The following ENPP5 variants were observed in gnomAD, a reference collection of about 807,000 sequenced individuals.
ENPP5 encodes the protein ectonucleotide pyrophosphatase/phosphodiesterase family member 5, also known as E-NPP 5.
ENPP5 carries 27 observed loss-of-function variants against 33.7 expected under a neutral mutation model. The observed-to-expected ratio is 0.80, with a 90% CI of 0.59 to 1.11. The LOEUF (loss-of-function observed/expected upper bound fraction) is 1.11. Ranked by LOEUF, ENPP5 falls within the 50% of genes least tolerant of loss-of-function variation. The pLI is 0.00. For synonymous variants in ENPP5, 199 were observed against 200.5 expected (o/e 0.99, Z 0.06); for missense variants, 552 against 579.2 (o/e 0.95, Z 0.48).
At chr6:46,170,029 G>T (rs950660827) in intron 2 of ENPP5, 24 bp downstream of exon 2, 8 of 152,132 alleles carry the variant, frequency 5.3e-5, no homozygotes, top group African/African-American at 1.9e-4. Context: ...TAGCAAATAG[G>T]TTACTGCAAA....
chr6:46,161,198 C>A lies in ENPP5; in HGVS notation c.*128G>T. ...ATGTGTGTGTGTGTGTGTGTGTATA[C>A]CTAAATATGTAACTGCTTAATGGTT... On this transcript the variant is annotated 3_prime_UTR_variant, in exon 5 of 5. Coordinates refer to ENST00000371383, the MANE Select transcript of ENPP5 (RefSeq NM_001290072.2). 2.9e-6 allele frequency: 2 copies of A among 682,410 alleles called. No individual in the cohort carries two copies. The highest frequency in any genetic ancestry group is 4.9e-6 in the Non-Finnish European group (2 of 411,068). The allele number at this position is 682,410 out of a possible 1,614,324, so 42.3% of individuals were successfully genotyped here. A position where few individuals can be genotyped will look rare whatever the true frequency, so the allele number is the denominator to read the frequency against.
intron 4 of ENPP5, among the ~76,000 whole-genome samples, chr6:46,164,542 G>C (rs1371512420): frequency 6.6e-6 from 1 of 152,112 alleles, no homozygotes; most frequent in Non-Finnish European, 1.5e-5. Flanking sequence ...CCAATCTATT[G>C]TGTAACTGTA....
intron 3 of ENPP5, among the ~76,000 whole-genome samples, chr6:46,166,300 T>G (rs892873276): frequency 2.0e-5 from 3 of 151,092 alleles, no homozygotes; most frequent in Non-Finnish European, 4.4e-5. Context: ...CTCTTTTTCT[T>G]TCTTTTTTTT....
In ENPP5 at chr6:46,167,894, T is replaced by C; in HGVS notation, c.369A>G (p.Ile123Met). ...GTCCTGCCCTCTGGTTTGTGATCCA[T>C]ATTGGTGTCGCTTCTTCCCAAAACT... ...DSKFWEEATP[I>M]WITNQRAGHT... The change falls in exon 3 of 5, where the codon ATA becomes ATG. Residue 123 changes from isoleucine to methionine, a missense_variant. By Grantham distance (10) the Ile-to-Met change is conservative. Coordinates refer to ENST00000371383, the MANE Select transcript of ENPP5 (RefSeq NM_001290072.2). 1 of 1,614,182 alleles carries C rather than the reference T, an allele frequency of 6.2e-7. No homozygotes were observed. The highest frequency in any genetic ancestry group is 1.1e-5 in the South Asian group (1 of 91,088).
In ENPP5 at chr6:46,161,359, A is replaced by C. The variant is rs968298256; in HGVS notation, c.1401T>G (p.His467Gln). ...HSQIPALQDM[H>Q]AEIAQPLLQA ...GTAATAATGGTTGAGCTATTTCAGCATGCATATCTTGTAAGGCAGGTATTT... is the reference window on the plus strand; with the variant it reads ...GTAATAATGGTTGAGCTATTTCAGCCTGCATATCTTGTAAGGCAGGTATTT... Residue 467 changes from histidine (H) to glutamine (Q), a missense_variant, in exon 5 of 5, where the codon CAT becomes CAG. His to Gln is a conservative substitution (Grantham distance 24). Coordinates refer to ENST00000371383, the MANE Select transcript of ENPP5 (RefSeq NM_001290072.2). 8.7e-6 allele frequency: 14 copies of C among 1,613,472 alleles called. No homozygotes were observed. The African/African-American group carries it at 1.1e-4, about 12-fold the overall frequency.
rs764583524 is a variant in ENPP5, at chr6:46,161,709, T to C, written c.1051A>G (p.Ile351Val). 9.9e-5 allele frequency: 160 copies of C among 1,613,148 alleles called. No individual in the cohort carries two copies. Among genetic ancestry groups the C allele is most frequent in the Non-Finnish European group, 1.3e-4 (149 of 1,179,968 alleles). The change falls in exon 5 of 5, where the codon ATA becomes GTA. Residue 351 changes from isoleucine to valine, a missense_variant. Transcript: ENST00000371383. Reference protein sequence around the residue: ...YDNALADMHPIFLAHGPAFRK... With the variant: ...YDNALADMHPVFLAHGPAFRK... The stretch of plus-strand genomic sequence containing the variant: ...AAGGCAGGACCATGGGCTAAAAATA[T>C]TGGATGCATATCTGCTAACGCATTA...
Position 46,161,111 on chromosome 6 carries a change from G to A in ENPP5, c.*215C>T. The A allele has an allele frequency of 1.8e-6, 1 of 541,652 alleles. No homozygotes were observed. Among genetic ancestry groups the A allele is most frequent in the Non-Finnish European group, 3.3e-6 (1 of 301,348 alleles). The allele number at this position is 541,652 out of a possible 1,614,324, so 33.6% of individuals were successfully genotyped here. On this transcript the variant is annotated 3_prime_UTR_variant, in exon 5 of 5. Coordinates refer to ENST00000371383, the MANE Select transcript of ENPP5 (RefSeq NM_001290072.2). Reference sequence around the variant, plus strand: ...CTATCCCTATGCTACAGTGAACAATGGAGACATACTCTCACATCTTTATTC... The same window carrying A: ...CTATCCCTATGCTACAGTGAACAATAGAGACATACTCTCACATCTTTATTC...
rs1764373898 is a variant in ENPP5, at chr6:46,161,007, A to G, written c.*319T>C. 1 of 253,516 alleles carries G rather than the reference A, an allele frequency of 3.9e-6. No individual in the cohort carries two copies. Among genetic ancestry groups the G allele is most frequent in the Non-Finnish European group, 7.7e-6 (1 of 130,170 alleles). 15.7% of individuals were successfully genotyped at this position (253,516 alleles called of 1,614,324 possible). ...TCAGGAGAGAAATTTAAAGTGCAAT[A>G]CATAAGGTACTTTACATAGTGCAAA... On this transcript the variant is annotated 3_prime_UTR_variant, in exon 5 of 5. Transcript: ENST00000371383.
At chr6:46,164,784 G>A (rs1764489763) in intron 4 of ENPP5, among the ~76,000 whole-genome samples, 1 of 150,504 alleles carries the variant, frequency 6.6e-6, no homozygotes, top group African/African-American at 2.4e-5. Flanking sequence ...TGTCGCCCAG[G>A]CTGGAGTGCA....
intron 4 of ENPP5, among the ~76,000 whole-genome samples, chr6:46,164,467 T>G (rs1202045679): frequency 6.6e-6 from 1 of 152,228 alleles, no homozygotes; most frequent in Non-Finnish European, 1.5e-5. Flanking sequence ...TTTAATTAAT[T>G]ATTGAATCAT....
chr6:46,167,370 C>G, intron 3 of ENPP5, 64 bp downstream of exon 3: 2 of 1,053,340 alleles, frequency 1.9e-6, no homozygotes, highest in South Asian at 3.3e-5. Context: ...AATCCCTGTT[C>G]ATTTGATCAC....
rs150449006 is a variant in ENPP5, at chr6:46,167,980, T to C, written c.283A>G (p.Met95Val). ...AENHGIVANDMFDPIRNKSFS... is the reference protein window; with the variant it reads ...AENHGIVANDVFDPIRNKSFS... ...GATTTGTTCCGAATAGGATCAAACA[T>C]ATCATTTGCAACAATCCCATGATTC... The change falls in exon 3 of 5, where the codon ATG becomes GTG. Residue 95 changes from methionine (M) to valine (V), a missense_variant. Coordinates refer to ENST00000371383, the MANE Select transcript of ENPP5 (RefSeq NM_001290072.2). The C allele has an allele frequency of 1.5e-5, 24 of 1,614,226 alleles. No homozygotes were observed. The African/African-American group carries it at 2.5e-4, about 17-fold the overall frequency.
At position 46,168,071 on chromosome 6, in the gene ENPP5, A is replaced by C. The variant is rs749915399; in HGVS notation, c.192T>G (p.Val64=). 3 of 1,614,082 alleles carry C rather than the reference A, an allele frequency of 1.9e-6. No homozygotes were observed. Among genetic ancestry groups the C allele is most frequent in the Admixed American group, 1.7e-5 (1 of 60,014 alleles). Residue 64 remains valine, a synonymous_variant, in exon 3 of 5, where the codon GTT becomes GTG. Transcript: ENST00000371383. ...AGGTTTTTGTAATAAAAACATTAGT[A>C]ACTTGCTTCACGTGAACACCATATT... is the stretch of plus-strand genomic sequence containing the variant. The part of the protein sequence containing the change: ...IMKYGVHVKQ[V]TNVFITKTYP...
Position 46,161,537 on chromosome 6 carries a change from G to C in ENPP5, c.1223C>G (p.Pro408Arg). 1 of 1,613,940 alleles carries C rather than the reference G, an allele frequency of 6.2e-7. No individual in the cohort carries two copies. Among genetic ancestry groups the C allele is most frequent in the Non-Finnish European group, 8.5e-7 (1 of 1,179,868 alleles). ...GAGGAGTATAGTACTCTGTGTATAA[G>C]GGACCACCCTTGGCATTGCTGAATT... ...LLNSAMPRVV[P>R]YTQSTILLPG... The change falls in exon 5 of 5, where the codon CCT (proline) becomes CGT (arginine). Residue 408 changes from proline (P) to arginine (R), a missense_variant. Coordinates refer to ENST00000371383, the MANE Select transcript of ENPP5 (RefSeq NM_001290072.2).
Position 46,161,253 on chromosome 6 carries a change from A to T in ENPP5, c.*73T>A. 2 of 1,340,908 alleles carry T rather than the reference A, an allele frequency of 1.5e-6. No homozygotes were observed. Among genetic ancestry groups the T allele is most frequent in the Non-Finnish European group, 2.0e-6 (2 of 977,830 alleles). The allele number at this position is 1,340,908 out of a possible 1,614,324, so 83.1% of individuals were successfully genotyped here. A position where few individuals can be genotyped will look rare whatever the true frequency, so the allele number is the denominator to read the frequency against. ...CAAATGTTTGGAACTGGTTTCCCAG[A>T]ATTTGAAACCTTTAAACACTGACAT... On this transcript the variant is annotated 3_prime_UTR_variant, in exon 5 of 5. Transcript: ENST00000371383.
In ENPP5 at chr6:46,168,147, C is replaced by G. The variant is rs34109856; in HGVS notation, c.116G>C (p.Arg39Pro). 76,314 of 1,613,354 alleles carry G rather than the reference C, an allele frequency of 0.047. 1,980 individuals carry two copies. The highest frequency in any genetic ancestry group is 0.059 in the Middle Eastern group (358 of 6,062). Reference sequence around the variant, plus strand: ...TGGAACTTTATATAAGTAATCCCAACGGAATCCATCAAAAGAAACTAGTAG... The same window carrying G: ...TGGAACTTTATATAAGTAATCCCAAGGGAATCCATCAAAAGAAACTAGTAG... The part of the protein sequence containing the change: ...KVLLVSFDGF[R>P]WDYLYKVPTP... Residue 39 changes from arginine (R) to proline (P), a missense_variant, in exon 3 of 5, where the codon CGT (arginine) becomes CCT (proline). Physicochemically the swap from Arg to Pro is moderately radical, Grantham distance 103 (BLOSUM62 -2). Coordinates refer to ENST00000371383, the MANE Select transcript of ENPP5 (RefSeq NM_001290072.2).
In ENPP5 at chr6:46,161,145, G is replaced by A. The variant is rs73735712; in HGVS notation, c.*181C>T. The stretch of plus-strand genomic sequence containing the variant: ...CTCTCACATCTTTATTCCTTTGCAG[G>A]TGTAAGTATTTTGGTCCGTGTGTGT... On this transcript the variant is annotated 3_prime_UTR_variant, in exon 5 of 5. Coordinates refer to ENST00000371383, the MANE Select transcript of ENPP5 (RefSeq NM_001290072.2). 9.3e-3 allele frequency: 5,407 copies of A among 578,608 alleles called. 217 individuals are homozygous for A. The highest frequency in any genetic ancestry group is 0.089 in the African/African-American group (4,747 of 53,350). The allele number at this position is 578,608 out of a possible 1,614,324, so 35.8% of individuals were successfully genotyped here.
Position 46,167,793 on chromosome 6 carries a change from T to C in ENPP5, c.470A>G (p.Tyr157Cys), listed in dbSNP as rs893877636. ...ATCTTCAAATGAAACTGACTCATTGTAAGGCATGTAATGAGTAGGAAAGCG... is the reference window on the plus strand; with the variant it reads ...ATCTTCAAATGAAACTGACTCATTGCAAGGCATGTAATGAGTAGGAAAGCG... The part of the protein sequence containing the change: ...HKRFPTHYMP[Y>C]NESVSFEDRV... Residue 157 changes from tyrosine to cysteine, a missense_variant, in exon 3 of 5, where the codon TAC becomes TGC. Physicochemically the swap from Tyr to Cys is radical, Grantham distance 194. Coordinates refer to ENST00000371383, the MANE Select transcript of ENPP5 (RefSeq NM_001290072.2). 1 of 1,613,902 alleles carries C rather than the reference T, an allele frequency of 6.2e-7. No individual in the cohort carries two copies. Among genetic ancestry groups the C allele is most frequent in the African/African-American group, 1.3e-5 (1 of 74,942 alleles).
At chr6:46,168,824 G>C (rs981775031) in intron 2 of ENPP5, among the ~76,000 whole-genome samples, 1 of 151,860 alleles carries the variant, frequency 6.6e-6, no homozygotes, top group African/African-American at 2.4e-5. Context: ...GTTAATCACA[G>C]ACAAAAGATG....
Sources: allele counts gnomAD v4.1 joint callset (sites outside exome capture counted in the v4.1 genomes callset), GRCh38; gene constraint gnomAD v4.1.1; transcripts MANE v1.5; gene names NCBI Gene and HGNC (gene_info 2026-07-23, HGNC 2026-07-21).